Variants in TNKS observed in about 807,000 individuals in gnomAD.
The protein encoded by TNKS is tankyrase, also known as poly [ADP-ribose] polymerase tankyrase-1.
In TNKS, 72 loss-of-function variants were observed where a neutral mutation model predicts 135.8. That is an observed-to-expected ratio of 0.53 (90% CI 0.44 to 0.64). The LOEUF is 0.64. TNKS is among the 30% of genes least tolerant of loss of function. The pLI is 0.00. For missense variants in TNKS, 1,769 were observed against 1,674.0 expected (o/e 1.06, Z -0.99); for synonymous variants, 849 against 649.3 (o/e 1.31, Z -4.68).
At chr8:9,729,326 G>T (rs930970548) in intron 13 of TNKS, among the ~76,000 whole-genome samples, 1 of 152,184 alleles carries the variant, frequency 6.6e-6, no homozygotes, top group Admixed American at 6.5e-5. Context: ...TCTATCAGTA[G>T]AAATTTTTCA....
intron 24 of TNKS, 136 bp from the exon 25 acceptor site, chr8:9,766,103 G>A: frequency 1.3e-6 from 1 of 754,914 alleles, no homozygotes; most frequent in South Asian, 2.1e-5. Context: ...ATGTATAATA[G>A]ACCTTCTTAG....
At chr8:9,662,055 C>G (rs866403757) in intron 3 of TNKS, among the ~76,000 whole-genome samples, 1 of 152,214 alleles carries the variant, frequency 6.6e-6, no homozygotes, top group Non-Finnish European at 1.5e-5. Flanking sequence ...TCTCACACAC[C>G]TGTTAGAATG....
intron 5 of TNKS, among the ~76,000 whole-genome samples, chr8:9,691,773 T>G (rs974230104): frequency 6.6e-6 from 1 of 152,210 alleles, no homozygotes; most frequent in African/African-American, 2.4e-5. Flanking sequence ...ATATTGGTAT[T>G]TAAAATTTTT....
At chr8:9,718,720 A>G (rs1804727597) in intron 11 of TNKS, among the ~76,000 whole-genome samples, 1 of 152,196 alleles carries the variant, frequency 6.6e-6, no homozygotes, top group South Asian at 2.1e-4. Flanking sequence ...GACATCTATT[A>G]TTCTGACTCC....
chr8:9,559,531 A>T (rs1364550354), intron 1 of TNKS, among the ~76,000 whole-genome samples: 2 of 152,050 alleles, frequency 1.3e-5, no homozygotes, highest in African/African-American at 4.8e-5. Flanking sequence ...TAGTGTACAG[A>T]TTATTTCATC....
intron 5 of TNKS, among the ~76,000 whole-genome samples, chr8:9,684,029 G>A (rs2128798745): frequency 6.6e-6 from 1 of 150,968 alleles, no homozygotes; most frequent in African/African-American, 2.4e-5. Flanking sequence ...ATACTTTTAT[G>A]CAATTATATA....
chr8:9,687,083 A>T (rs1470278867), intron 5 of TNKS, among the ~76,000 whole-genome samples: 1 of 152,120 alleles, frequency 6.6e-6, no homozygotes, highest in Non-Finnish European at 1.5e-5. Context: ...TTTCCCCTTT[A>T]AGAAAGGAAG....
chr8:9,679,591 T>C (rs991258203), intron 3 of TNKS, among the ~76,000 whole-genome samples: 12 of 152,196 alleles, frequency 7.9e-5, no homozygotes, highest in Non-Finnish European at 1.6e-4. Context: ...TGTATTATGC[T>C]TCCCAAGTAT....
intron 17 of TNKS, chr8:9,741,526 C>G (rs1295086457): frequency 1.8e-5 from 4 of 216,654 alleles, no homozygotes; most frequent in African/African-American, 4.5e-5. Flanking sequence ...CCTTTTGATC[C>G]TCATTCTTCT....
chr8:9,641,184 T>C (rs1422241649), intron 3 of TNKS, among the ~76,000 whole-genome samples: 1 of 146,030 alleles, frequency 6.8e-6, no homozygotes, highest in Non-Finnish European at 1.5e-5. Flanking sequence ...ACATTAACAG[T>C]TTCCTTAAAG....
chr8:9,585,211 T>C (rs892019656), intron 2 of TNKS, among the ~76,000 whole-genome samples: 3 of 151,696 alleles, frequency 2.0e-5, no homozygotes, highest in Non-Finnish European at 4.4e-5. Context: ...TTAAAGACCA[T>C]GTTAGTAGCC....
At chr8:9,710,696 A>C (rs976855420) in intron 11 of TNKS, among the ~76,000 whole-genome samples, 6 of 152,266 alleles carry the variant, frequency 3.9e-5, no homozygotes, top group Middle Eastern at 3.4e-3. Flanking sequence ...GGAGATGGAG[A>C]CCATCCTGGC....
At chr8:9,676,615 T>C (rs755877235) in intron 3 of TNKS, among the ~76,000 whole-genome samples, 3 of 152,152 alleles carry the variant, frequency 2.0e-5, no homozygotes, top group South Asian at 4.1e-4. Flanking sequence ...AAAAGAGCTT[T>C]ATTTTTCAGC....
chr8:9,614,401 T>C (rs528284951), intron 2 of TNKS, among the ~76,000 whole-genome samples: 3 of 152,228 alleles, frequency 2.0e-5, no homozygotes, highest in South Asian at 2.1e-4. Flanking sequence ...CCCCAAAATG[T>C]AATGTATGAG....
intron 2 of TNKS, among the ~76,000 whole-genome samples, chr8:9,598,469 C>G (rs1342635384): frequency 6.6e-6 from 1 of 151,702 alleles, no homozygotes; most frequent in Non-Finnish European, 1.5e-5. Flanking sequence ...AAGTTTAAAC[C>G]TTGTAACTAG....
At chr8:9,636,802 A>C (rs778425057) in intron 3 of TNKS, among the ~76,000 whole-genome samples, 11 of 152,196 alleles carry the variant, frequency 7.2e-5, no homozygotes, top group Admixed American at 2.6e-4. Context: ...GATGAGTACT[A>C]ACTAGTTCCC....
At chr8:9,626,884 C>T (rs1264203569) in intron 3 of TNKS, among the ~76,000 whole-genome samples, 2 of 152,174 alleles carry the variant, frequency 1.3e-5, no homozygotes, top group Admixed American at 6.5e-5. Context: ...CATACAATTC[C>T]TAAAAATATT....
chr8:9,603,389 A>G (rs1799095886), intron 2 of TNKS, among the ~76,000 whole-genome samples: 1 of 152,224 alleles, frequency 6.6e-6, no homozygotes, highest in South Asian at 2.1e-4. Context: ...CTAAAAATTC[A>G]GATTATCAGT....
rs576018338 is a variant in TNKS at position 9,756,940 on chromosome 8, G to T, written c.3153+4314G>T. Among the ~76,000 whole-genome samples, 32 of 151,904 alleles carry T rather than the reference G, an allele frequency of 2.1e-4. No homozygotes were observed. In the South Asian group the frequency reaches 3.3e-3, roughly 16 times the overall value. ...TTACTCTGCTGAAAAGACTTCCCAGGGCCTTTGGTATACTTTTTTTGTTTT... is the reference window on the plus strand; with the variant it reads ...TTACTCTGCTGAAAAGACTTCCCAGTGCCTTTGGTATACTTTTTTTGTTTT... On this transcript the variant is annotated intron_variant, in intron 20 of 26. Transcript: ENST00000310430.
Sources: gnomAD v4.1 joint callset for allele counts (sites outside exome capture counted in the v4.1 genomes callset) on GRCh38, gnomAD v4.1.1 for gene constraint, MANE v1.5 for transcripts, NCBI Gene and HGNC (gene_info 2026-07-23, HGNC 2026-07-21) for gene names.